The following TUSC3 variants were observed in gnomAD, a reference collection of about 807,000 sequenced individuals.
TUSC3 encodes the protein tumor suppressor candidate 3.
TUSC3 carries 45 observed loss-of-function variants against 44.8 expected under a neutral mutation model. The observed-to-expected ratio is 1.00, with a 90% CI of 0.79 to 1.29. The LOEUF (loss-of-function observed/expected upper bound fraction) is 1.29, where lower values mean the gene tolerates loss of function less well. TUSC3 is among the 50% of genes most tolerant of loss of function. TUSC3 has a pLI of 0.00. For missense variants in TUSC3, 519 were observed against 437.9 expected, an observed-to-expected ratio of 1.19 and a Z score of -1.65; for synonymous variants, 212 against 152.9, an observed-to-expected ratio of 1.39 and a Z score of -2.85.
intron 1 of TUSC3, among the ~76,000 whole-genome samples, chr8:15,585,026 G>A (rs1251498522): frequency 6.6e-6 from 1 of 152,104 alleles, no homozygotes; most frequent in South Asian, 2.1e-4. Context: ...AAGGAATTTT[G>A]TGTTAGAAAT....
intron 2 of TUSC3, among the ~76,000 whole-genome samples, chr8:15,625,602 C>T (rs1224554570): frequency 1.3e-5 from 2 of 152,136 alleles, no homozygotes; most frequent in Middle Eastern, 3.2e-3. Flanking sequence ...ACTGCATGTG[C>T]CAGCATTGTC....
chr8:15,815,320 G>A, the TUSC3 span, among the ~76,000 whole-genome samples: 1 of 152,056 alleles, frequency 6.6e-6, no homozygotes, highest in Admixed American at 6.6e-5. Flanking sequence ...TTCTTGGGGG[G>A]CAGGATAGGG....
At chr8:15,702,326 G>T (rs1809442010) in intron 6 of TUSC3, among the ~76,000 whole-genome samples, 1 of 152,162 alleles carries the variant, frequency 6.6e-6, no homozygotes, top group Non-Finnish European at 1.5e-5. Context: ...AAACAATTTA[G>T]ATAGGGAACT....
chr8:15,790,652 C>T, the TUSC3 span, among the ~76,000 whole-genome samples: 1 of 152,146 alleles, frequency 6.6e-6, no homozygotes, highest in Admixed American at 6.5e-5. Context: ...TACCTCACAA[C>T]CTCTACCTAG....
At chr8:15,831,004 G>A in the TUSC3 span, among the ~76,000 whole-genome samples, 7,408 of 152,218 alleles carry the variant, frequency 0.049, 601 homozygotes, top group African/African-American at 0.17. Flanking sequence ...GATGGATTCC[G>A]CTGCTATCGT....
chr8:15,835,116 TTTTAA>T, the TUSC3 span, among the ~76,000 whole-genome samples: 1 of 152,194 alleles, frequency 6.6e-6, no homozygotes, highest in African/African-American at 2.4e-5. Flanking sequence ...CTTCAGTAAC[TTTTAA>T]TTTTTCTTTT....
At chr8:15,562,124 A>G (rs1802498266) in intron 1 of TUSC3, among the ~76,000 whole-genome samples, 1 of 152,138 alleles carries the variant, frequency 6.6e-6, no homozygotes, top group African/African-American at 2.4e-5. Flanking sequence ...AGCTTCAGAG[A>G]TCTTGGAGAT....
intron 2 of TUSC3, among the ~76,000 whole-genome samples, chr8:15,631,102 G>C (rs764585718): frequency 2.6e-4 from 40 of 152,198 alleles, no homozygotes; most frequent in Non-Finnish European, 4.9e-4. Flanking sequence ...TGCAAGACTG[G>C]GGAAGTGTCA....
At chr8:15,843,080 A>C in the TUSC3 span, among the ~76,000 whole-genome samples, 1 of 152,180 alleles carries the variant, frequency 6.6e-6, no homozygotes, top group East Asian at 1.9e-4. Context: ...GCTTTGAGGA[A>C]ATAACACATT....
chr8:15,785,929 A>G, the TUSC3 span, among the ~76,000 whole-genome samples: 859 of 152,286 alleles, frequency 5.6e-3, 9 homozygotes, highest in African/African-American at 0.02. Context: ...AGAAAAAAAG[A>G]ATTTCCAACA....
At chr8:15,850,010 G>A in the TUSC3 span, among the ~76,000 whole-genome samples, 1 of 151,904 alleles carries the variant, frequency 6.6e-6, no homozygotes, top group South Asian at 2.1e-4. Context: ...ATTCATCTTC[G>A]ACTTCCTCTG....
At chr8:15,594,633 G>A (rs548750798) in intron 1 of TUSC3, among the ~76,000 whole-genome samples, 1 of 152,186 alleles carries the variant, frequency 6.6e-6, no homozygotes, top group African/African-American at 2.4e-5. Context: ...ACTATTGCCA[G>A]AGCATCTGAA....
chr8:15,781,960 C>T, the TUSC3 span, among the ~76,000 whole-genome samples: 1 of 152,154 alleles, frequency 6.6e-6, no homozygotes, highest in Admixed American at 6.5e-5. Flanking sequence ...TGGCAAAAGC[C>T]AGTCTCTACT....
chr8:15,561,253 A>G lies in TUSC3; in HGVS notation c.138+20685A>G, dbSNP rs1457402847. Among the ~76,000 whole-genome samples, 9 of 145,880 alleles carry G rather than the reference A, an allele frequency of 6.2e-5. No homozygotes were observed. The East Asian group carries it at 6.3e-4, about 10-fold the overall frequency. On this transcript the variant is annotated intron_variant, in intron 1 of 10. Coordinates refer to ENST00000503731, the MANE Select transcript of TUSC3 (RefSeq NM_006765.4). Reference sequence around the variant, plus strand: ...GACCCTCAGCTGCAGGTCTGTTGGAATACCCTGCAGTGTGAGGTGTCAGTG... The same window carrying G: ...GACCCTCAGCTGCAGGTCTGTTGGAGTACCCTGCAGTGTGAGGTGTCAGTG...
intron 1 of TUSC3, among the ~76,000 whole-genome samples, chr8:15,438,510 C>G (rs927575945): frequency 6.6e-6 from 1 of 152,180 alleles, no homozygotes; most frequent in African/African-American, 2.4e-5. Context: ...ATTTCAGAAA[C>G]TTGAGGTAGA....
intron 6 of TUSC3, among the ~76,000 whole-genome samples, chr8:15,677,883 G>A (rs1045579086): frequency 4.6e-5 from 7 of 152,186 alleles, no homozygotes; most frequent in Non-Finnish European, 7.4e-5. Context: ...GAGAGGCCTC[G>A]TCTGCATAAG....
intron 5 of TUSC3, among the ~76,000 whole-genome samples, chr8:15,668,447 T>C (rs567000721): frequency 2.0e-5 from 3 of 151,860 alleles, no homozygotes; most frequent in Non-Finnish European, 3.0e-5. Context: ...AAGCTACGTG[T>C]ATCAAAATCT....
intron 1 of TUSC3, among the ~76,000 whole-genome samples, chr8:15,573,943 T>C (rs1802991129): frequency 6.6e-6 from 1 of 152,164 alleles, no homozygotes; most frequent in South Asian, 2.1e-4. Context: ...CAGTAGATGG[T>C]AGAGAATGAA....
chr8:15,688,264 A>C (rs74986801), intron 6 of TUSC3, among the ~76,000 whole-genome samples: 1 of 152,282 alleles, frequency 6.6e-6, no homozygotes, highest in Non-Finnish European at 1.5e-5. Flanking sequence ...ATAACTCTAC[A>C]ATTTCAGAAT....
Sources: allele counts gnomAD v4.1 joint callset (sites outside exome capture counted in the v4.1 genomes callset), GRCh38; gene constraint gnomAD v4.1.1; transcripts MANE v1.5; gene names NCBI Gene and HGNC (gene_info 2026-07-23, HGNC 2026-07-21).